Variants in NEIL3 observed in about 807,000 individuals in gnomAD.
NEIL3 encodes nei like DNA glycosylase 3.
A neutral mutation model predicts 57.5 loss-of-function variants in NEIL3; 48 were observed. The observed-to-expected ratio is 0.83, with a 90% CI of 0.66 to 1.06. NEIL3 has a LOEUF of 1.06. NEIL3 is among the 50% of genes least tolerant of loss of function. The pLI is 0.00. For missense variants in NEIL3, 717 were observed against 739.1 expected (o/e 0.97, Z 0.35); for synonymous variants, 261 against 253.2 (o/e 1.03, Z -0.29).
Position 177,309,990 on chromosome 4 carries a change from A to G in NEIL3, c.37A>G (p.Lys13Glu). ...EGPGCTLNGE[K>E]IRARVLPGQA... is the part of the protein sequence containing the mutation. ...ACCAGGCTGTACTCTGAATGGAGAG[A>G]AGATTCGCGCGCGGGTGCTCCCGGG... Residue 13 changes from lysine to glutamate, a missense_variant, in exon 1 of 10, where the codon AAG becomes GAG. Lys to Glu is a moderately conservative substitution (Grantham distance 56). Transcript: ENST00000264596. 6.2e-7 allele frequency: 1 copy of G among 1,610,382 alleles called. No individual in the cohort carries two copies. The highest frequency in any genetic ancestry group is 1.3e-5 in the African/African-American group (1 of 74,850).
rs943598972 is a variant in NEIL3, at chr4:177,310,012, C to T, written c.59C>T (p.Pro20Leu). ...NGEKIRARVL[P>L]GQAVTGVRGS... ...GAGAAGATTCGCGCGCGGGTGCTCC[C>T]GGGCCAGGCGGTGACCGGCGTGCGG... is the stretch of plus-strand genomic sequence containing the variant. The change falls in exon 1 of 10, where the codon CCG becomes CTG. Residue 20 changes from proline to leucine, a missense_variant. Coordinates refer to ENST00000264596, the MANE Select transcript of NEIL3 (RefSeq NM_018248.3). 6 of 1,610,310 alleles carry T rather than the reference C, an allele frequency of 3.7e-6. No individual in the cohort carries two copies. The highest frequency in any genetic ancestry group is 4.5e-5 in the East Asian group (2 of 44,670).
At chr4:177,328,944 T>G (rs889093224) in intron 2 of NEIL3, among the ~76,000 whole-genome samples, 1 of 152,184 alleles carries the variant, frequency 6.6e-6, no homozygotes, top group Non-Finnish European at 1.5e-5. Flanking sequence ...TTTGAAGATA[T>G]GCATATCATT....
intron 6 of NEIL3, among the ~76,000 whole-genome samples, chr4:177,347,241 A>G (rs935395727): frequency 4.6e-5 from 7 of 152,050 alleles, no homozygotes; most frequent in African/African-American, 1.7e-4. Flanking sequence ...TAGCCCAGAA[A>G]AGCATAAAGC....
intron 2 of NEIL3, among the ~76,000 whole-genome samples, chr4:177,328,536 G>A (rs62343935): frequency 0.025 from 3,847 of 152,196 alleles, 68 homozygotes; most frequent in South Asian, 0.075. Flanking sequence ...ACAGAGCAAC[G>A]TTTGCTGAAA....
intron 6 of NEIL3, among the ~76,000 whole-genome samples, chr4:177,350,759 A>G (rs1423329898): frequency 6.6e-6 from 1 of 152,200 alleles, no homozygotes; most frequent in Non-Finnish European, 1.5e-5. Context: ...AGTACCAATT[A>G]CTTAAAACAT....
chr4:177,352,548 T>C (rs1485328273), intron 7 of NEIL3, among the ~76,000 whole-genome samples: 2 of 152,130 alleles, frequency 1.3e-5, no homozygotes. Context: ...ATGTTAAGTC[T>C]GGCCAGTCGC....
chr4:177,350,643 G>T (rs1735330300), intron 6 of NEIL3, among the ~76,000 whole-genome samples: 1 of 152,234 alleles, frequency 6.6e-6, no homozygotes, highest in East Asian at 1.9e-4. Context: ...CTGTGCACAT[G>T]AAGTAAATAT....
At chr4:177,357,829 G>A (rs142517432) in intron 8 of NEIL3, among the ~76,000 whole-genome samples, 39 of 152,220 alleles carry the variant, frequency 2.6e-4, no homozygotes, top group African/African-American at 3.4e-4. Context: ...TGCCAGCCCC[G>A]ATCTGTTGTA....
At chr4:177,328,114 T>C (rs1433901992) in intron 2 of NEIL3, among the ~76,000 whole-genome samples, 1 of 152,014 alleles carries the variant, frequency 6.6e-6, no homozygotes, top group African/African-American at 2.4e-5. Context: ...GTTATTGGTA[T>C]AACATCAACT....
intron 1 of NEIL3, among the ~76,000 whole-genome samples, chr4:177,313,899 C>A (rs1290892087): frequency 1.3e-5 from 2 of 152,126 alleles, no homozygotes; most frequent in African/African-American, 4.8e-5. Context: ...CATTTGGACT[C>A]TTTCATTATG....
At chr4:177,364,954 ATAT>A (rs577129772), downstream of NEIL3, among the ~76,000 whole-genome samples, 236 of 151,914 alleles carry the variant, frequency 1.6e-3, no homozygotes, top group Middle Eastern at 0.02. Context: ...CTGAGCCAAG[ATAT>A]TATCTGCCAT....
At position 177,336,197 on chromosome 4, in the gene NEIL3, A is replaced by C; in HGVS notation, c.503A>C (p.Glu168Ala). Residue 168 changes from glutamate (E) to alanine (A), a missense_variant, in exon 4 of 10, where the codon GAA (glutamate) becomes GCA (alanine). Coordinates refer to ENST00000264596, the MANE Select transcript of NEIL3 (RefSeq NM_018248.3). ...PEFSFLRAESEVKKQKGRMLG... is the reference protein window; with the variant it reads ...PEFSFLRAESAVKKQKGRMLG... ...TTTAGTTTCTTGAGAGCAGAAAGTG[A>C]AGTTAAAAAACAGAAAGGCCGGATG... The C allele has an allele frequency of 5.0e-6, 8 of 1,614,032 alleles. No homozygotes were observed. The highest frequency in any genetic ancestry group is 5.1e-6 in the Non-Finnish European group (6 of 1,179,874).
At chr4:177,359,997 T>A (rs544529170) in intron 8 of NEIL3, among the ~76,000 whole-genome samples, 3 of 152,206 alleles carry the variant, frequency 2.0e-5, no homozygotes, top group Non-Finnish European at 4.4e-5. Context: ...AAGAAAAGCA[T>A]AGAAAATTGT....
chr4:177,335,931 A>G (rs1734970550), intron 3 of NEIL3, 109 bp downstream of exon 3: 1 of 1,178,890 alleles, frequency 8.5e-7, no homozygotes, highest in Non-Finnish European at 1.2e-6. Flanking sequence ...GTAATTGATG[A>G]AACCTCATTT....
rs1216281079 is a variant in NEIL3 at position 177,362,725 on chromosome 4, T to C, written c.*254T>C. ...CATTTAGGATGTGTATTTAATGCAT[T>C]TAGTAATGACGATAAAGTGTTTTTA... On this transcript the variant is annotated 3_prime_UTR_variant, in exon 10 of 10. Transcript: ENST00000264596. The C allele has an allele frequency of 1.4e-5, 4 of 292,014 alleles. No individual in the cohort carries two copies. The highest frequency in any genetic ancestry group is 1.0e-4 in the Admixed American group (2 of 19,772). The allele number at this position is 292,014 out of a possible 1,614,324, so 18.1% of individuals were successfully genotyped here.
intron 2 of NEIL3, among the ~76,000 whole-genome samples, chr4:177,332,426 A>G (rs1246775730): frequency 1.3e-5 from 2 of 152,128 alleles, no homozygotes; most frequent in Non-Finnish European, 2.9e-5. Context: ...GTTGTTATTC[A>G]GTATAAGACA....
At chr4:177,341,426 G>A in intron 5 of NEIL3, 50 bp from the exon 6 acceptor site, 2 of 1,480,962 alleles carry the variant, frequency 1.4e-6, no homozygotes, top group Admixed American at 2.3e-5. Flanking sequence ...TGGCTCCTTG[G>A]CAGCACTGTT....
chr4:177,356,698 A>G (rs987524550), intron 8 of NEIL3, among the ~76,000 whole-genome samples: 5 of 152,200 alleles, frequency 3.3e-5, no homozygotes, highest in Non-Finnish European at 7.4e-5. Context: ...TGTTCTCATT[A>G]CCACACAATC....
chr4:177,343,747 T>C (rs1035221769), intron 6 of NEIL3: 3 of 151,570 alleles, frequency 2.0e-5, no homozygotes, highest in Non-Finnish European at 4.4e-5. Flanking sequence ...ATTTTATATA[T>C]ATATATATAA....
Sources: gnomAD v4.1 joint callset for allele counts (sites outside exome capture counted in the v4.1 genomes callset) on GRCh38, gnomAD v4.1.1 for gene constraint, MANE v1.5 for transcripts, NCBI Gene and HGNC (gene_info 2026-07-23, HGNC 2026-07-21) for gene names.